The following ZNF84 variants were observed in gnomAD, a reference collection of about 807,000 sequenced individuals.
The protein encoded by ZNF84 is zinc finger protein 84, also known as zinc finger protein HPF2.
A neutral mutation model predicts 14.8 loss-of-function variants in ZNF84; 12 were observed. That is an observed-to-expected ratio of 0.81 (90% CI 0.52 to 1.31). The LOEUF (loss-of-function observed/expected upper bound fraction) is 1.31, where lower values mean the gene tolerates loss of function less well. Ranked by LOEUF, ZNF84 falls within the 50% of genes most tolerant of loss-of-function variation. The pLI, the probability that ZNF84 is intolerant of heterozygous loss-of-function variation, is 0.00. For synonymous variants in ZNF84, 347 were observed against 291.1 expected (o/e 1.19, Z -1.96); for missense variants, 859 against 878.6 (o/e 0.98, Z 0.28).
In ZNF84 at chr12:133,061,646, T is replaced by C. The variant is rs1321300841; in HGVS notation, c.*2714T>C. 1 of 152,186 alleles carries C rather than the reference T, an allele frequency of 6.6e-6. No individual in the cohort carries two copies. The highest frequency in any genetic ancestry group is 2.4e-5 in the African/African-American group (1 of 41,434). The allele number at this position is 152,186 out of a possible 1,614,324, so 9.4% of individuals were successfully genotyped here. On this transcript the variant is annotated 3_prime_UTR_variant, in exon 5 of 5. Transcript: ENST00000539354. The stretch of plus-strand genomic sequence containing the variant: ...CAATCCCAGAGATTGATTTATTAGG[T>C]CTTGGAAATTCTAGATTATTCCATT...
intron 2 of ZNF84, among the ~76,000 whole-genome samples, chr12:133,043,964 A>G (rs1953933213): frequency 6.7e-6 from 1 of 149,078 alleles, no homozygotes; most frequent in African/African-American, 2.5e-5. Context: ...GGGTTTCACC[A>G]TATTGGTTAG....
At chr12:133,050,981 G>A (rs1954058533) in intron 4 of ZNF84, among the ~76,000 whole-genome samples, 2 of 152,134 alleles carry the variant, frequency 1.3e-5, no homozygotes, top group Non-Finnish European at 2.9e-5. Flanking sequence ...CATTGCATTG[G>A]CGTGATCATA....
At position 133,063,082 on chromosome 12, in the gene ZNF84, G is replaced by A. The variant is rs1954291808; in HGVS notation, c.*4150G>A. 1.7e-5 allele frequency: 12 copies of A among 702,100 alleles called. No homozygotes were observed. Among genetic ancestry groups the A allele is most frequent in the Non-Finnish European group, 3.1e-5 (12 of 384,712 alleles). The allele number at this position is 702,100 out of a possible 1,614,324, so 43.5% of individuals were successfully genotyped here. Reference sequence around the variant, plus strand: ...CTATATTTAAATGTGGGTGCAGTGAGTGGCTGTTTTCTGCCACATGGAGAA... The same window carrying A: ...CTATATTTAAATGTGGGTGCAGTGAATGGCTGTTTTCTGCCACATGGAGAA... On this transcript the variant is annotated 3_prime_UTR_variant, in exon 5 of 5. Transcript: ENST00000539354.
chr12:133,048,437 C>A, intron 3 of ZNF84: 1 of 291,914 alleles, frequency 3.4e-6, no homozygotes, highest in Non-Finnish European at 6.6e-6. Flanking sequence ...CAAGTACAGT[C>A]ATTATCCATT....
Position 133,057,677 on chromosome 12 carries a change from G to A in ZNF84, c.962G>A (p.Cys321Tyr), listed in dbSNP as rs1954185178. 3.7e-6 allele frequency: 6 copies of A among 1,614,076 alleles called. No homozygotes were observed. Among genetic ancestry groups the A allele is most frequent in the Non-Finnish European group, 4.2e-6 (5 of 1,180,022 alleles). The change falls in exon 5 of 5, where the codon TGC (cysteine) becomes TAC (tyrosine). Residue 321 changes from cysteine (C) to tyrosine (Y), a missense_variant. Coordinates refer to ENST00000539354, the MANE Select transcript of ZNF84 (RefSeq NM_001289971.2). ...CACACAGGAGAGAAACCCTATGGATGCAATGAATGTGGGAGGGCCTTTAGT... is the reference window on the plus strand; with the variant it reads ...CACACAGGAGAGAAACCCTATGGATACAATGAATGTGGGAGGGCCTTTAGT... ...RTHTGEKPYG[C>Y]NECGRAFSEK... is the part of the protein sequence containing the mutation.
At position 133,059,035 on chromosome 12, in the gene ZNF84, C is replaced by A; in HGVS notation, c.*103C>A. On this transcript the variant is annotated 3_prime_UTR_variant, in exon 5 of 5. Transcript: ENST00000539354. ...CACGTCATGTTAGGTGTTTGTACTC[C>A]ATGAGGATGAGAACTCTAAATGAGG... 9.0e-7 allele frequency: 1 copy of A among 1,114,740 alleles called. No individual in the cohort carries two copies. Among genetic ancestry groups the A allele is most frequent in the South Asian group, 1.5e-5 (1 of 65,134 alleles). The allele number at this position is 1,114,740 out of a possible 1,614,324, so 69.1% of individuals were successfully genotyped here.
rs1329275062 is a variant in ZNF84, at chr12:133,048,147, G to T, written c.142+66G>T. The T allele has an allele frequency of 2.0e-6, 3 of 1,493,730 alleles. No homozygotes were observed. In the Admixed American group the frequency reaches 6.0e-5, roughly 30 times the overall value. 92.5% of individuals were successfully genotyped at this position (1,493,730 alleles called of 1,614,324 possible). On this transcript the variant is annotated intron_variant, in intron 3 of 4. Transcript: ENST00000539354. The stretch of plus-strand genomic sequence containing the variant: ...GCATTGCCTTTTATTTTTAGTTGCT[G>T]GGAAGTTTCAGAAGCCTATAGCTAG...
At chr12:133,049,779 G>A (rs1314563917) in intron 4 of ZNF84, among the ~76,000 whole-genome samples, 1 of 152,010 alleles carries the variant, frequency 6.6e-6, no homozygotes, top group Non-Finnish European at 1.5e-5. Context: ...GCATATGGCC[G>A]AATAACCCCT....
rs1394403595 is a variant in ZNF84 at position 133,057,792 on chromosome 12, G to T, written c.1077G>T (p.Lys359Asn). 1 of 1,612,582 alleles carries T rather than the reference G, an allele frequency of 6.2e-7. No individual in the cohort carries two copies. Among genetic ancestry groups the T allele is most frequent in the Admixed American group, 1.7e-5 (1 of 59,874 alleles). ...CRECGKAFSRKSQLVTHHRTH... is the reference protein window; with the variant it reads ...CRECGKAFSRNSQLVTHHRTH... The stretch of plus-strand genomic sequence containing the variant: ...AATGTGGGAAAGCCTTCAGCAGGAA[G>T]TCACAACTCGTTACACATCACAGAA... Residue 359 changes from lysine (K) to asparagine (N), a missense_variant, in exon 5 of 5, where the codon AAG (lysine) becomes AAT (asparagine). Lys to Asn is a moderately conservative substitution (Grantham distance 94). Coordinates refer to ENST00000539354, the MANE Select transcript of ZNF84 (RefSeq NM_001289971.2).
In ZNF84 at chr12:133,043,584, A is replaced by T. The variant is rs765517980; in HGVS notation, c.15+2102A>T. 1.6e-3 allele frequency among the ~76,000 whole-genome samples: 250 copies of T among 152,308 alleles called. 5 individuals carry two copies. Among genetic ancestry groups the T allele is most frequent in the Non-Finnish European group, 3.0e-3 (203 of 68,026 alleles). ...AGCTAGAACACTGCTTTCCAGCATG[A>T]CAGAATCTATCAAGGCACAGGTTTA... On this transcript the variant is annotated intron_variant, in intron 2 of 4. Transcript: ENST00000539354.
Position 133,059,037 on chromosome 12 carries a change from T to A in ZNF84, c.*105T>A. The A allele has an allele frequency of 9.1e-7, 1 of 1,099,640 alleles. No individual in the cohort carries two copies. The highest frequency in any genetic ancestry group is 2.4e-5 in the East Asian group (1 of 42,186). The allele number at this position is 1,099,640 out of a possible 1,614,324, so 68.1% of individuals were successfully genotyped here. On this transcript the variant is annotated 3_prime_UTR_variant, in exon 5 of 5. Coordinates refer to ENST00000539354, the MANE Select transcript of ZNF84 (RefSeq NM_001289971.2). Reference sequence around the variant, plus strand: ...CGTCATGTTAGGTGTTTGTACTCCATGAGGATGAGAACTCTAAATGAGGTG... The same window carrying A: ...CGTCATGTTAGGTGTTTGTACTCCAAGAGGATGAGAACTCTAAATGAGGTG...
At position 133,062,913 on chromosome 12, in the gene ZNF84, G is replaced by A. The variant is rs1954287919; in HGVS notation, c.*3981G>A. 1.8e-6 allele frequency: 1 copy of A among 559,968 alleles called. No individual in the cohort carries two copies. Among genetic ancestry groups the A allele is most frequent in the Admixed American group, 3.0e-5 (1 of 33,164 alleles). 34.7% of individuals were successfully genotyped at this position (559,968 alleles called of 1,614,324 possible). ...TGCAATTGAAATGCCCTTGTTCCTT[G>A]TTAATGCCTATTGAATCTATATGAA... is the stretch of plus-strand genomic sequence containing the variant. On this transcript the variant is annotated 3_prime_UTR_variant, in exon 5 of 5. Transcript: ENST00000539354.
rs964770360 is a variant in ZNF84 at position 133,060,725 on chromosome 12, T to G, written c.*1793T>G. On this transcript the variant is annotated 3_prime_UTR_variant, in exon 5 of 5. Transcript: ENST00000539354. ...TTTATCATTTGAAATGTATTTGACT[T>G]TGTTTCACTAGTTGCATTATCCCCA... 2.6e-5 allele frequency: 4 copies of G among 152,352 alleles called. No homozygotes were observed. The highest frequency in any genetic ancestry group is 5.9e-5 in the Non-Finnish European group (4 of 68,020). 9.4% of individuals were successfully genotyped at this position (152,352 alleles called of 1,614,324 possible). A position where few individuals can be genotyped will look rare whatever the true frequency, so the allele number is the denominator to read the frequency against.
At chr12:133,052,451 C>T (rs1954087851) in intron 4 of ZNF84, among the ~76,000 whole-genome samples, 1 of 152,136 alleles carries the variant, frequency 6.6e-6, no homozygotes, top group Admixed American at 6.5e-5. Context: ...AAGTGATCCC[C>T]CCAAGCAGCT....
chr12:133,055,103 A>G (rs1423344594), intron 4 of ZNF84, among the ~76,000 whole-genome samples: 3 of 152,196 alleles, frequency 2.0e-5, no homozygotes, highest in Non-Finnish European at 2.9e-5. Flanking sequence ...TAACAGAACT[A>G]TATTCATATT....
At position 133,052,300 on chromosome 12, in the gene ZNF84, G is replaced by A. The variant is rs571761764; in HGVS notation, c.238+3452G>A. Reference sequence around the variant, plus strand: ...TGTTCACATGGCCTTTTCCCAGTGTGTACATGGAGAGAGAGAGAGAGAAGA... The same window carrying A: ...TGTTCACATGGCCTTTTCCCAGTGTATACATGGAGAGAGAGAGAGAGAAGA... On this transcript the variant is annotated intron_variant, in intron 4 of 4. Transcript: ENST00000539354. Among the ~76,000 whole-genome samples the A allele has an allele frequency of 3.9e-4, 60 of 152,288 alleles. 1 individual carries two copies. In the South Asian group the frequency reaches 0.012, roughly 32 times the overall value.
At position 133,054,147 on chromosome 12, in the gene ZNF84, T is replaced by C. The variant is rs1274392850; in HGVS notation, c.239-2807T>C. Among the ~76,000 whole-genome samples the C allele has an allele frequency of 3.3e-5, 5 of 152,008 alleles. No individual in the cohort carries two copies. In the East Asian group the frequency reaches 7.8e-4, roughly 24 times the overall value. The stretch of plus-strand genomic sequence containing the variant: ...CAAGTCTCTTACTGGTTTGGGAGGG[T>C]AAAGTGGGAGAATTGCTTGAGCCCA... On this transcript the variant is annotated intron_variant, in intron 4 of 4. Coordinates refer to ENST00000539354, the MANE Select transcript of ZNF84 (RefSeq NM_001289971.2).
rs1013204970 is a variant in ZNF84, at chr12:133,060,359, A to G, written c.*1427A>G. ...TTCAAGGATGCCTATTTTATCTTCT[A>G]GCAAATTTCTGTGGTCCCTGGAAAA... On this transcript the variant is annotated 3_prime_UTR_variant, in exon 5 of 5. Transcript: ENST00000539354. The G allele has an allele frequency of 6.6e-6, 1 of 152,328 alleles. No homozygotes were observed. The highest frequency in any genetic ancestry group is 2.1e-4 in the South Asian group (1 of 4,832). The allele number at this position is 152,328 out of a possible 1,614,324, so 9.4% of individuals were successfully genotyped here.
chr12:133,051,536 A>G (rs1954068692), intron 4 of ZNF84, among the ~76,000 whole-genome samples: 1 of 152,198 alleles, frequency 6.6e-6, no homozygotes, highest in Non-Finnish European at 1.5e-5. Flanking sequence ...AAAAAGGCAC[A>G]GGCAGAGTCT....
Sources: allele counts gnomAD v4.1 joint callset (sites outside exome capture counted in the v4.1 genomes callset), GRCh38; gene constraint gnomAD v4.1.1; transcripts MANE v1.5; gene names NCBI Gene and HGNC (gene_info 2026-07-23, HGNC 2026-07-21).